FHOD3: variants seen among roughly 807,000 people sequenced by gnomAD.
FHOD3 encodes the protein formin homology 2 domain containing 3.
FHOD3 carries 90 observed loss-of-function variants against 173.0 expected under a neutral mutation model. The observed-to-expected ratio is 0.52, with a 90% confidence interval of 0.44 to 0.62. The LOEUF is 0.62. FHOD3 is among the 20% of genes least tolerant of loss of function. FHOD3 has a pLI of 0.00. For missense variants in FHOD3, 1,945 were observed against 2,034.7 expected, an observed-to-expected ratio of 0.96 and a Z score of 0.85; for synonymous variants, 828 against 823.0, an observed-to-expected ratio of 1.01 and a Z score of -0.10.
At chr18:36,433,312 CT>C (rs2050650978) in intron 3 of FHOD3, among the ~76,000 whole-genome samples, 1 of 152,176 alleles carries the variant, frequency 6.6e-6, no homozygotes, top group African/African-American at 2.4e-5. Flanking sequence ...TAAACATTTA[CT>C]CATTTAAGCC....
At chr18:36,660,982 G>A (rs1196028214) in intron 14 of FHOD3, among the ~76,000 whole-genome samples, 1 of 152,150 alleles carries the variant, frequency 6.6e-6, no homozygotes, top group Non-Finnish European at 1.5e-5. Context: ...ACATTTGCTT[G>A]TCTTTTTCAC....
chr18:36,520,963 C>T (rs1431687886), intron 5 of FHOD3, among the ~76,000 whole-genome samples: 2 of 152,204 alleles, frequency 1.3e-5, no homozygotes, highest in Non-Finnish European at 2.9e-5. Context: ...GAAGCACAAT[C>T]GTTATTTCCT....
At chr18:36,754,838 C>T (rs919575277) in intron 24 of FHOD3, among the ~76,000 whole-genome samples, 4 of 151,852 alleles carry the variant, frequency 2.6e-5, no homozygotes, top group Admixed American at 6.6e-5. Flanking sequence ...TGAGGTCCTG[C>T]CACCTAGATA....
At chr18:36,418,432 C>T (rs942709673) in intron 3 of FHOD3, among the ~76,000 whole-genome samples, 2 of 152,068 alleles carry the variant, frequency 1.3e-5, no homozygotes, top group Non-Finnish European at 2.9e-5. Context: ...AGATATTCCA[C>T]GTTAGTTTGA....
chr18:36,426,035 G>A lies in FHOD3; in HGVS notation c.337+53291G>A, dbSNP rs551016628. Among the ~76,000 whole-genome samples the A allele has an allele frequency of 8.6e-5, 13 of 151,596 alleles. No homozygotes were observed. In the East Asian group the frequency reaches 2.3e-3, roughly 27 times the overall value. ...TCTGCCTCAGCCTCCCTCCCCAGCA[G>A]CTGGGACTACAGGCGGCCACCACCA... On this transcript the variant is annotated intron_variant, in intron 3 of 28. Coordinates refer to ENST00000590592, the MANE Select transcript of FHOD3 (RefSeq NM_001281740.3).
chr18:36,345,954 A>G (rs1304684392), intron 1 of FHOD3, among the ~76,000 whole-genome samples: 2 of 152,242 alleles, frequency 1.3e-5, no homozygotes, highest in Admixed American at 6.5e-5. Flanking sequence ...GTAAGCAGTT[A>G]TCTTTCGGCA....
intron 1 of FHOD3, among the ~76,000 whole-genome samples, chr18:36,337,287 T>C (rs2045372090): frequency 6.6e-6 from 1 of 152,220 alleles, no homozygotes; most frequent in South Asian, 2.1e-4. Context: ...TTTTTTGTTA[T>C]AGAAATGTAC....
chr18:36,652,578 G>T lies in FHOD3; in HGVS notation c.1295G>T (p.Gly432Val). ...CCCTGCTGGCCCAACAGCAAGGTCG[G>T]CGCTGCCTCAGGGCAGAGCCCCACT... ...ASCQGKDSKV[G>V]AASGQSPTGR... Residue 432 changes from glycine to valine, a missense_variant, in exon 12 of 29, where the codon GGC (glycine) becomes GTC (valine). This residue lies in a region of FHOD3 where 1,099 missense variants were observed against 1,051.2 expected (regional missense o/e 1.05). Coordinates refer to ENST00000590592, the MANE Select transcript of FHOD3 (RefSeq NM_001281740.3). 6.5e-7 allele frequency: 1 copy of T among 1,527,888 alleles called. No individual in the cohort carries two copies. The highest frequency in any genetic ancestry group is 8.8e-7 in the Non-Finnish European group (1 of 1,141,540). The allele number at this position is 1,527,888 out of a possible 1,614,324, so 94.6% of individuals were successfully genotyped here. A position where few individuals can be genotyped will look rare whatever the true frequency, so the allele number is the denominator to read the frequency against.
At chr18:36,548,620 T>C (rs2057511489) in intron 5 of FHOD3, among the ~76,000 whole-genome samples, 1 of 152,214 alleles carries the variant, frequency 6.6e-6, no homozygotes, top group African/African-American at 2.4e-5. Flanking sequence ...AGGCAACCAC[T>C]GATCTACCTT....
intron 3 of FHOD3, among the ~76,000 whole-genome samples, chr18:36,498,311 AAACTT>A (rs1230386291): frequency 1.3e-5 from 2 of 152,286 alleles, no homozygotes; most frequent in South Asian, 2.1e-4. Flanking sequence ...AGAGCAAACT[AAACTT>A]AAAGCAAACG....
At chr18:36,431,334 T>C (rs1198071771) in intron 3 of FHOD3, among the ~76,000 whole-genome samples, 1 of 152,174 alleles carries the variant, frequency 6.6e-6, no homozygotes, top group Non-Finnish European at 1.5e-5. Context: ...CCTGACTGTT[T>C]GGAAGGTGTC....
intron 3 of FHOD3, among the ~76,000 whole-genome samples, chr18:36,492,974 G>A (rs968368829): frequency 4.6e-5 from 7 of 152,032 alleles, no homozygotes; most frequent in African/African-American, 1.7e-4. Context: ...ATTTCTGTTA[G>A]CCATTTTCAG....
intron 3 of FHOD3, among the ~76,000 whole-genome samples, chr18:36,428,608 C>T (rs1347306900): frequency 6.6e-6 from 1 of 152,312 alleles, no homozygotes; most frequent in African/African-American, 2.4e-5. Flanking sequence ...GTCTGTCTGT[C>T]TGTCTGCCTG....
chr18:36,372,737 C>T lies in FHOD3; in HGVS notation c.330C>T (p.Ala110=), dbSNP rs768042631. Residue 110 remains alanine (A), a synonymous_variant, in exon 3 of 29, where the codon GCC becomes GCT. Transcript: ENST00000590592. The part of the protein sequence containing the change: ...LRTQLSVRVH[A]CIEKLYNSSG... ...CGCAGCTGTCTGTGAGGGTCCATGC[C>T]TGCATCGGTGAGTGACACCTGCCCT... 14 of 1,613,898 alleles carry T rather than the reference C, an allele frequency of 8.7e-6. No individual in the cohort carries two copies. The highest frequency in any genetic ancestry group is 1.1e-5 in the Non-Finnish European group (13 of 1,179,848).
intron 5 of FHOD3, among the ~76,000 whole-genome samples, chr18:36,572,780 C>A (rs527962454): frequency 1.3e-5 from 2 of 152,202 alleles, no homozygotes; most frequent in Non-Finnish European, 2.9e-5. Context: ...GAGTCTTCCC[C>A]GTGGATATAC....
chr18:36,604,446 G>C (rs758409260), intron 8 of FHOD3, among the ~76,000 whole-genome samples: 40 of 152,228 alleles, frequency 2.6e-4, no homozygotes, highest in Non-Finnish European at 5.1e-4. Context: ...TTCCTCAGCA[G>C]ACAGATGATT....
rs2144695748 is a variant in FHOD3, at chr18:36,311,617, C to A, written c.165+13617C>A. 1.3e-5 allele frequency among the ~76,000 whole-genome samples: 2 copies of A among 152,334 alleles called. 1 individual carries two copies. Among genetic ancestry groups the A allele is most frequent in the Middle Eastern group, 6.8e-3 (2 of 294 alleles). On this transcript the variant is annotated intron_variant, in intron 1 of 28. Transcript: ENST00000590592. ...ATGGTGAGCCATGTTCCTTTCCCAG[C>A]ATTGTAGTCCCTTCCCTGCAGCTGT...
intron 1 of FHOD3, among the ~76,000 whole-genome samples, chr18:36,298,905 A>G (rs2091883900): frequency 6.6e-6 from 1 of 152,180 alleles, no homozygotes; most frequent in South Asian, 2.1e-4. Flanking sequence ...ACTTAGACAG[A>G]TTGAATGCAG....
At chr18:36,708,050 T>C (rs545844407) in intron 17 of FHOD3, among the ~76,000 whole-genome samples, 2 of 152,260 alleles carry the variant, frequency 1.3e-5, no homozygotes, top group Non-Finnish European at 1.5e-5. Context: ...AGCTCATAGC[T>C]GAGGGTTTTG....
Sources: allele counts gnomAD v4.1 joint callset (sites outside exome capture counted in the v4.1 genomes callset), GRCh38; gene constraint gnomAD v4.1.1; regional missense constraint gnomAD v4.1.1; transcripts MANE v1.5; gene names NCBI Gene and HGNC (gene_info 2026-07-23, HGNC 2026-07-21).